Variants in ORC4 observed in about 807,000 individuals in gnomAD.
The protein encoded by ORC4 is origin recognition complex subunit 4.
Under a neutral mutation model 63.9 loss-of-function variants are expected in ORC4, and 55 were observed. The observed-to-expected ratio is 0.86, with a 90% confidence interval of 0.69 to 1.08. ORC4 has a LOEUF of 1.08. Ranked by LOEUF, ORC4 falls within the 50% of genes least tolerant of loss-of-function variation. The pLI is 0.00. For missense variants in ORC4, 511 were observed against 504.4 expected (o/e 1.01, Z -0.13); for synonymous variants, 150 against 168.5 (o/e 0.89, Z 0.85).
upstream of ORC4, chr2:148,021,452 T>C: frequency 1.7e-6 from 1 of 572,408 alleles, no homozygotes; most frequent in Admixed American, 2.2e-5. Context: ...ACAGACCCTT[T>C]GCTGCTGCTG....
chr2:147,973,581 T>C (rs965611021), intron 2 of ORC4, 57 bp from the exon 3 acceptor site: 4 of 985,218 alleles, frequency 4.1e-6, no homozygotes, highest in Non-Finnish European at 6.3e-6. Context: ...ATATAAAAAA[T>C]AAATAAGAAA....
rs1687839783 is a variant in ORC4 at position 147,932,776 on chromosome 2, C to T, written c.*2734G>A. On this transcript the variant is annotated 3_prime_UTR_variant, in exon 14 of 14. Coordinates refer to ENST00000392857, the MANE Select transcript of ORC4 (RefSeq NM_181741.4). Reference sequence around the variant, plus strand: ...TCTAGGGTAAAGGTGAAGGATGGGGCAGCACTTAGGTTATGGTGGTTTGAA... The same window carrying T: ...TCTAGGGTAAAGGTGAAGGATGGGGTAGCACTTAGGTTATGGTGGTTTGAA... 6.6e-6 allele frequency: 1 copy of T among 152,094 alleles called. No homozygotes were observed. The highest frequency in any genetic ancestry group is 1.5e-5 in the Non-Finnish European group (1 of 68,040). The allele number at this position is 152,094 out of a possible 1,614,324, so 9.4% of individuals were successfully genotyped here.
intron 6 of ORC4, among the ~76,000 whole-genome samples, chr2:147,957,895 C>T (rs1689351458): frequency 6.6e-6 from 1 of 152,100 alleles, no homozygotes; most frequent in Admixed American, 6.6e-5. Flanking sequence ...ATTGCAGCCT[C>T]AAATTTAGCA....
chr2:147,991,750 C>T (rs1240284518), intron 1 of ORC4, among the ~76,000 whole-genome samples: 1 of 152,086 alleles, frequency 6.6e-6, no homozygotes, highest in East Asian at 1.9e-4. Flanking sequence ...ATCGCTTGAA[C>T]CGGGGAGGCG....
intron 13 of ORC4, among the ~76,000 whole-genome samples, chr2:147,937,409 A>G (rs1270174858): frequency 2.0e-5 from 3 of 152,202 alleles, no homozygotes; most frequent in African/African-American, 7.2e-5. Context: ...ATGTAAATTT[A>G]CTTTCTCAGC....
intron 5 of ORC4, 110 bp from the exon 6 acceptor site, chr2:147,958,493 A>T (rs1689392711): frequency 1.3e-6 from 1 of 759,778 alleles, no homozygotes; most frequent in African/African-American, 1.7e-5. Flanking sequence ...GTGAGTTCAT[A>T]TCACTTTCTT....
At chr2:148,009,753 C>T (rs1180723951) in intron 1 of ORC4, among the ~76,000 whole-genome samples, 1 of 152,134 alleles carries the variant, frequency 6.6e-6, no homozygotes, top group East Asian at 1.9e-4. Flanking sequence ...ATCCAACAGC[C>T]GCAGAATACA....
At chr2:147,981,483 G>T (rs975145196) in intron 1 of ORC4, among the ~76,000 whole-genome samples, 21 of 152,142 alleles carry the variant, frequency 1.4e-4, no homozygotes, top group African/African-American at 5.1e-4. Flanking sequence ...CTGAAACAAT[G>T]GAAAGTGAAA....
chr2:147,987,444 C>A (rs967441977), intron 1 of ORC4, among the ~76,000 whole-genome samples: 1 of 149,640 alleles, frequency 6.7e-6, no homozygotes, highest in East Asian at 2.0e-4. Context: ...ATTTTTTCTA[C>A]AGCTACCATA....
At chr2:147,936,078 G>A (rs936596463) in intron 13 of ORC4, among the ~76,000 whole-genome samples, 3 of 152,070 alleles carry the variant, frequency 2.0e-5, no homozygotes, top group African/African-American at 7.2e-5. Flanking sequence ...CAATTCCCTA[G>A]GCTACTCAGA....
chr2:147,985,008 A>G (rs1413829296), intron 1 of ORC4, among the ~76,000 whole-genome samples: 1 of 152,170 alleles, frequency 6.6e-6, no homozygotes, highest in East Asian at 1.9e-4. Flanking sequence ...AAAAATTATG[A>G]AGTACATCCT....
chr2:147,978,711 C>T (rs779179689), intron 1 of ORC4, among the ~76,000 whole-genome samples: 5 of 152,122 alleles, frequency 3.3e-5, no homozygotes, highest in Non-Finnish European at 5.9e-5. Context: ...TGCAAAAATC[C>T]TCAACAAATA....
At chr2:147,952,067 A>C (rs1487421868) in intron 8 of ORC4, among the ~76,000 whole-genome samples, 1 of 152,218 alleles carries the variant, frequency 6.6e-6, no homozygotes, top group Non-Finnish European at 1.5e-5. Context: ...AGTTTTCTCA[A>C]ATATTGGTGA....
intron 6 of ORC4, among the ~76,000 whole-genome samples, chr2:147,957,500 T>A (rs1046006105): frequency 6.6e-6 from 1 of 151,812 alleles, no homozygotes; most frequent in African/African-American, 2.4e-5. Flanking sequence ...TTCAGGTAGG[T>A]GCAAAATTAA....
At chr2:147,960,004 ATTTTTTT>A (rs932471604) in intron 4 of ORC4, among the ~76,000 whole-genome samples, 1 of 151,718 alleles carries the variant, frequency 6.6e-6, no homozygotes, top group African/African-American at 2.4e-5. Context: ...TTTATTTTTT[ATTTTTTT>A]TGCAATCCAT....
At chr2:148,004,323 G>C (rs192900215) in intron 1 of ORC4, among the ~76,000 whole-genome samples, 2 of 152,282 alleles carry the variant, frequency 1.3e-5, no homozygotes, top group East Asian at 3.9e-4. Context: ...TAAGCAAAGA[G>C]AACAAAGCTG....
At chr2:147,979,628 T>G (rs1690751950) in intron 1 of ORC4, among the ~76,000 whole-genome samples, 1 of 151,640 alleles carries the variant, frequency 6.6e-6, no homozygotes, top group East Asian at 1.9e-4. Flanking sequence ...GCTAAGACAA[T>G]CATGAGCTAA....
rs138914665 is a variant in ORC4, at chr2:147,935,399, T to G, written c.*111A>C. On this transcript the variant is annotated 3_prime_UTR_variant, in exon 14 of 14. Coordinates refer to ENST00000392857, the MANE Select transcript of ORC4 (RefSeq NM_181741.4). ...AGACAGTAGATGGGCAAGTCTCACA[T>G]AAATACAAGAATGTTTATAGAATGT... 4.8e-5 allele frequency: 40 copies of G among 834,580 alleles called. No individual in the cohort carries two copies. The African/African-American group carries it at 6.3e-4, about 13-fold the overall frequency. The allele number at this position is 834,580 out of a possible 1,614,324, so 51.7% of individuals were successfully genotyped here. A position where few individuals can be genotyped will look rare whatever the true frequency, so the allele number is the denominator to read the frequency against.
rs1265891550 is a variant in ORC4 at position 147,935,520 on chromosome 2, C to T, written c.1301G>A (p.Ser434Asn). 1.9e-6 allele frequency: 3 copies of T among 1,612,964 alleles called. No individual in the cohort carries two copies. The highest frequency in any genetic ancestry group is 1.1e-5 in the South Asian group (1 of 91,056). Residue 434 changes from serine to asparagine, a missense_variant, in exon 14 of 14, where the codon AGC (serine) becomes AAC (asparagine). Ser to Asn is a conservative substitution (Grantham distance 46). Transcript: ENST00000392857. Reference sequence around the variant, plus strand: ...AGTCACTGGTTATATTCATAACCAGCTTAGTGAGGATGTTGCCCACTGCCT... The same window carrying T: ...AGTCACTGGTTATATTCATAACCAGTTTAGTGAGGATGTTGCCCACTGCCT... ...DVRQWATSSL[S>N]WL
Sources: gnomAD v4.1 joint callset for allele counts (sites outside exome capture counted in the v4.1 genomes callset) on GRCh38, gnomAD v4.1.1 for gene constraint, MANE v1.5 for transcripts, NCBI Gene and HGNC (gene_info 2026-07-23, HGNC 2026-07-21) for gene names.